The following CCDC192 variants were observed in gnomAD, a reference collection of about 807,000 sequenced individuals.
CCDC192 encodes the protein coiled-coil domain containing 192.
chr5:127,889,677 C>G (rs1288970600), intron 6 of CCDC192, among the ~76,000 whole-genome samples: 2 of 152,202 alleles, frequency 1.3e-5, no homozygotes, highest in Non-Finnish European at 2.9e-5. Context: ...GCTGGGATTA[C>G]AGGTGTGAGC....
intron 6 of CCDC192, among the ~76,000 whole-genome samples, chr5:127,933,922 A>G (rs539849815): frequency 6.6e-6 from 1 of 152,320 alleles, no homozygotes; most frequent in East Asian, 1.9e-4. Flanking sequence ...TTTGATCGTC[A>G]ACTTCCCAGT....
upstream of CCDC192, among the ~76,000 whole-genome samples, chr5:127,703,131 G>A (rs1454917246): frequency 2.6e-5 from 4 of 152,194 alleles, no homozygotes; most frequent in South Asian, 2.1e-4. Flanking sequence ...GGTTCTGGAT[G>A]TAAACATGCC....
intron 5 of CCDC192, among the ~76,000 whole-genome samples, chr5:127,843,940 T>G (rs2127069598): frequency 6.6e-6 from 1 of 152,392 alleles, no homozygotes; most frequent in South Asian, 2.1e-4. Flanking sequence ...TGTTTTAATC[T>G]TCTTTATATT....
chr5:127,891,875 A>G (rs1172244173), intron 6 of CCDC192, among the ~76,000 whole-genome samples: 2 of 152,194 alleles, frequency 1.3e-5, no homozygotes, highest in East Asian at 1.9e-4. Flanking sequence ...GGCATTTACT[A>G]TCTTTTAGGT....
At chr5:127,846,542 T>G (rs940296525) in intron 5 of CCDC192, among the ~76,000 whole-genome samples, 20 of 152,046 alleles carry the variant, frequency 1.3e-4, no homozygotes, top group Admixed American at 1.3e-3. Flanking sequence ...GGATTTCGGC[T>G]CACCACAACC....
intron 6 of CCDC192, among the ~76,000 whole-genome samples, chr5:127,896,855 T>A (rs1205694261): frequency 6.6e-6 from 1 of 152,196 alleles, no homozygotes; most frequent in Non-Finnish European, 1.5e-5. Flanking sequence ...ATATAATTGC[T>A]CAATCAGAAT....
Position 127,788,995 on chromosome 5 carries a change from C to CA in CCDC192, c.223-8100dup, listed in dbSNP as rs917048021. On this transcript the variant is annotated intron_variant, in intron 3 of 6. Transcript: ENST00000514853. ...TTTTCTTCATCATGTGAGGATACAG[C>CA]AAAAAAAAGGGGCTGTCTGTAAAAT... Among the ~76,000 whole-genome samples the CA allele has an allele frequency of 3.8e-4, 58 of 151,366 alleles. 1 individual carries two copies. The highest frequency in any genetic ancestry group is 8.3e-4 in the South Asian group (4 of 4,798).
At chr5:127,886,203 T>A (rs549566074) in intron 6 of CCDC192, among the ~76,000 whole-genome samples, 1 of 152,324 alleles carries the variant, frequency 6.6e-6, no homozygotes, top group East Asian at 1.9e-4. Context: ...CATCTGAATC[T>A]GGGCACACCA....
chr5:127,875,041 C>T (rs1028442821), intron 5 of CCDC192, among the ~76,000 whole-genome samples: 1 of 152,102 alleles, frequency 6.6e-6, no homozygotes, highest in Non-Finnish European at 1.5e-5. Context: ...GGATCCCATA[C>T]TAAATATCAG....
rs553283990 is a variant in CCDC192, at chr5:127,888,666, T to A, written c.535+13005T>A. Among the ~76,000 whole-genome samples the A allele has an allele frequency of 1.2e-4, 18 of 152,306 alleles. 1 individual carries two copies. In the South Asian group the frequency reaches 3.3e-3, roughly 28 times the overall value. ...AAGCAAAAGTTAGAATTGAACATAC[T>A]AATTTTTAATAGAATGTACTTAACT... On this transcript the variant is annotated intron_variant, in intron 6 of 6. Coordinates refer to ENST00000514853, the MANE Select transcript of CCDC192 (RefSeq NM_001317938.2).
At chr5:127,886,215 T>C (rs918275996) in intron 6 of CCDC192, among the ~76,000 whole-genome samples, 2 of 152,218 alleles carry the variant, frequency 1.3e-5, no homozygotes, top group African/African-American at 4.8e-5. Context: ...GGCACACCAA[T>C]AGAGCATCTG....
At chr5:127,826,956 A>C (rs1430476840) in intron 5 of CCDC192, among the ~76,000 whole-genome samples, 3 of 152,208 alleles carry the variant, frequency 2.0e-5, no homozygotes, top group Non-Finnish European at 4.4e-5. Flanking sequence ...CAATGTTTTC[A>C]TCAGTGTGCT....
At chr5:127,872,646 G>C (rs1009916544) in intron 5 of CCDC192, among the ~76,000 whole-genome samples, 3 of 152,142 alleles carry the variant, frequency 2.0e-5, no homozygotes, top group African/African-American at 7.2e-5. Context: ...ATCCTATCCT[G>C]TTCTGGATGC....
Position 127,881,457 on chromosome 5 carries a change from A to G in CCDC192, c.535+5796A>G, listed in dbSNP as rs565347853. ...TCCTTGCTTGGTTCATTTTCTAAGC[A>G]GTCTATAGGTCATTCAGGTCTGTCA... is the stretch of plus-strand genomic sequence containing the variant. On this transcript the variant is annotated intron_variant, in intron 6 of 6. Transcript: ENST00000514853. 2.0e-5 allele frequency among the ~76,000 whole-genome samples: 3 copies of G among 152,278 alleles called. No homozygotes were observed. In the East Asian group the frequency reaches 5.8e-4, roughly 29 times the overall value.
rs982141863 is a variant in CCDC192, at chr5:127,941,430, C to G, written c.784C>G (p.His262Asp). 2.5e-6 allele frequency: 1 copy of G among 398,952 alleles called. No homozygotes were observed. Among genetic ancestry groups the G allele is most frequent in the African/African-American group, 2.1e-5 (1 of 48,646 alleles). The allele number at this position is 398,952 out of a possible 1,614,324, so 24.7% of individuals were successfully genotyped here. Reference sequence around the variant, plus strand: ...ACCAGAAGCCCCAGTTTTCTCTACTCATGACATCCCACCTGTGGTCTCTGA... The same window carrying G: ...ACCAGAAGCCCCAGTTTTCTCTACTGATGACATCCCACCTGTGGTCTCTGA... ...CLPEAPVFST[H>D]DIPPVVSDEN... Residue 262 changes from histidine (H) to aspartate (D), a missense_variant, in exon 7 of 7, where the codon CAT becomes GAT. Transcript: ENST00000514853.
intron 3 of CCDC192, chr5:127,784,922 C>A: frequency 2.2e-6 from 1 of 453,878 alleles, no homozygotes; most frequent in Non-Finnish European, 4.4e-6. Context: ...TTTTTATAAC[C>A]AAGATGTAAT....
At chr5:127,802,695 C>G (rs1315005257) in intron 5 of CCDC192, among the ~76,000 whole-genome samples, 1 of 152,182 alleles carries the variant, frequency 6.6e-6, no homozygotes, top group African/African-American at 2.4e-5. Flanking sequence ...GATGCAGCCT[C>G]TTTCTCAAGA....
intron 2 of CCDC192, among the ~76,000 whole-genome samples, chr5:127,733,297 A>T (rs1010205218): frequency 2.6e-5 from 4 of 152,190 alleles, no homozygotes; most frequent in Non-Finnish European, 2.9e-5. Flanking sequence ...TAAAACCTAC[A>T]GCTTGATGAG....
intron 2 of CCDC192, among the ~76,000 whole-genome samples, chr5:127,715,961 T>C (rs915893349): frequency 3.3e-4 from 51 of 152,324 alleles, no homozygotes; most frequent in Admixed American, 5.2e-4. Context: ...GTGGACATCC[T>C]TGTCTTGTGA....
Sources: allele counts gnomAD v4.1 joint callset (sites outside exome capture counted in the v4.1 genomes callset), GRCh38; gene constraint gnomAD v4.1.1; transcripts MANE v1.5; gene names NCBI Gene and HGNC (gene_info 2026-07-23, HGNC 2026-07-21).